Variants in UNC80 observed in about 807,000 individuals in gnomAD.
The protein encoded by UNC80 is unc-80 subunit of NALCN channel complex.
UNC80 carries 164 observed loss-of-function variants against 384.6 expected under a neutral mutation model. The ratio of observed to expected loss-of-function variants is 0.43; its 90% CI spans 0.38 to 0.49. The LOEUF is 0.49. Among genes scored for constraint, UNC80 ranks in the 20% least tolerant of loss-of-function variants. The probability of loss-of-function intolerance (pLI) is 0.00; values close to 1 mark genes in which losing one functional copy is unlikely to be tolerated. For missense variants in UNC80, 3,330 were observed against 4,143.0 expected (o/e 0.80, Z 5.39); for synonymous variants, 1,486 against 1,527.8 (o/e 0.97, Z 0.64).
chr2:209,889,656 G>A (rs529073312), intron 26 of UNC80, among the ~76,000 whole-genome samples: 7 of 152,168 alleles, frequency 4.6e-5, no homozygotes, highest in South Asian at 4.2e-4. Flanking sequence ...CGCCACCCAC[G>A]GACAGGCCCC....
intron 60 of UNC80, among the ~76,000 whole-genome samples, chr2:209,983,182 C>G (rs903201626): frequency 1.3e-5 from 2 of 152,114 alleles, no homozygotes; most frequent in Non-Finnish European, 2.9e-5. Context: ...AGGGCATATT[C>G]TGATGTTCAC....
chr2:209,961,658 T>C (rs1310101071), intron 51 of UNC80, among the ~76,000 whole-genome samples: 2 of 152,020 alleles, frequency 1.3e-5, no homozygotes, highest in Non-Finnish European at 2.9e-5. Context: ...AAGCAAAGAA[T>C]GAAAAAAAGA....
rs912341881 is a variant in UNC80 at position 209,793,775 on chromosome 2, C to T, written c.854C>T (p.Thr285Ile). 6.2e-7 allele frequency: 1 copy of T among 1,614,138 alleles called. No homozygotes were observed. The highest frequency in any genetic ancestry group is 1.3e-5 in the African/African-American group (1 of 75,050). ...FQSDSISPKA[T>I]ISGCHRGNSF... is the part of the protein sequence containing the mutation. ...TCTGATTCCATCTCACCCAAGGCCA[C>T]CATTTCAGGCTGTCACCGAGGAAAC... Residue 285 changes from threonine (T) to isoleucine (I), a missense_variant, in exon 7 of 65, where the codon ACC becomes ATC. Physicochemically the swap from Thr to Ile is moderately conservative, Grantham distance 89. Coordinates refer to ENST00000673920, the MANE Select transcript of UNC80 (RefSeq NM_001371986.1).
intron 25 of UNC80, among the ~76,000 whole-genome samples, 180 bp from the exon 26 acceptor site, chr2:209,887,915 T>C (rs1301128971): frequency 1.3e-5 from 2 of 152,340 alleles, no homozygotes; most frequent in Non-Finnish European, 2.9e-5. Context: ...GGAAAGATTT[T>C]ATTTATTTTT....
chr2:209,922,627 A>G (rs934019442), intron 35 of UNC80, among the ~76,000 whole-genome samples: 5 of 152,206 alleles, frequency 3.3e-5, no homozygotes, highest in Non-Finnish European at 7.3e-5. Context: ...CTGAGGGTTC[A>G]GAATACATCA....
At chr2:209,943,572 T>C (rs574680072) in intron 45 of UNC80, 58 bp downstream of exon 45, 4 of 1,540,890 alleles carry the variant, frequency 2.6e-6, no homozygotes, top group Non-Finnish European at 3.5e-6. Context: ...AAAGCAAAGG[T>C]TATTTATTAG....
At chr2:209,809,018 T>A in intron 7 of UNC80, 1 of 350,398 alleles carries the variant, frequency 2.9e-6, no homozygotes, top group Non-Finnish European at 5.4e-6. Flanking sequence ...CAACTGAGAC[T>A]CCCCCAAGAG....
intron 22 of UNC80, among the ~76,000 whole-genome samples, chr2:209,866,531 CACAGAG>C (rs1482398465): frequency 1.5e-4 from 18 of 122,086 alleles, no homozygotes; most frequent in Middle Eastern, 4.3e-3. Context: ...CACACACACA[CACAGAG>C]AGAGAGAGAG....
intron 26 of UNC80, among the ~76,000 whole-genome samples, chr2:209,891,377 C>G (rs1407095158): frequency 6.6e-6 from 1 of 152,028 alleles, no homozygotes; most frequent in Non-Finnish European, 1.5e-5. Flanking sequence ...GACAATTATA[C>G]TGCATATGAT....
chr2:209,866,531 CACAG>C (rs1202013319), intron 22 of UNC80, among the ~76,000 whole-genome samples: 5,797 of 121,174 alleles, frequency 0.048, 139 homozygotes, highest in Non-Finnish European at 0.066. Context: ...CACACACACA[CACAG>C]AGAGAGAGAG....
intron 18 of UNC80, among the ~76,000 whole-genome samples, chr2:209,837,274 A>G (rs1386774877): frequency 1.3e-5 from 2 of 152,206 alleles, no homozygotes; most frequent in African/African-American, 4.8e-5. Context: ...AACCCCATAA[A>G]TAAGTTTCAT....
rs1574692285 is a variant in UNC80 at position 209,842,561 on chromosome 2, C to T, written c.3454+115C>T. 5.2e-6 allele frequency: 4 copies of T among 768,604 alleles called. No homozygotes were observed. In the East Asian group the frequency reaches 8.1e-5, roughly 15 times the overall value. 47.6% of individuals were successfully genotyped at this position (768,604 alleles called of 1,614,324 possible). Reference sequence around the variant, plus strand: ...ATTGGTTTTTCATTCATTTCTTTCTCATACATGCCTTTTACCACTGTCTAT... The same window carrying T: ...ATTGGTTTTTCATTCATTTCTTTCTTATACATGCCTTTTACCACTGTCTAT... On this transcript the variant is annotated intron_variant, in intron 21 of 64. Transcript: ENST00000673920.
intron 6 of UNC80, among the ~76,000 whole-genome samples, chr2:209,789,839 A>G (rs2077683795): frequency 6.6e-6 from 1 of 152,042 alleles, no homozygotes; most frequent in Non-Finnish European, 1.5e-5. Context: ...CTAGTATTTT[A>G]TCTCGGTGGT....
intron 30 of UNC80, among the ~76,000 whole-genome samples, chr2:209,913,353 T>C (rs1012821656): frequency 6.6e-6 from 1 of 152,214 alleles, no homozygotes; most frequent in Non-Finnish European, 1.5e-5. Context: ...CAATGTATTA[T>C]GTATTTCAAA....
intron 29 of UNC80, among the ~76,000 whole-genome samples, chr2:209,911,960 G>A (rs916136552): frequency 6.6e-6 from 1 of 152,168 alleles, no homozygotes; most frequent in Non-Finnish European, 1.5e-5. Context: ...AGAAGAGTAT[G>A]GTTTTTGAAA....
chr2:209,926,783 C>G, intron 35 of UNC80, 60 bp from the exon 36 acceptor site: 1 of 1,537,964 alleles, frequency 6.5e-7, no homozygotes. Flanking sequence ...CTCAAAACAA[C>G]AGTAGCAACA....
chr2:209,788,947 T>C (rs1321459879), intron 5 of UNC80, among the ~76,000 whole-genome samples: 1 of 152,208 alleles, frequency 6.6e-6, no homozygotes, highest in African/African-American at 2.4e-5. Context: ...TTGTTATCTT[T>C]TATACTGTAT....
chr2:209,797,601 C>G (rs554581985), intron 7 of UNC80, among the ~76,000 whole-genome samples: 54 of 152,134 alleles, frequency 3.5e-4, no homozygotes, highest in Non-Finnish European at 6.8e-4. Context: ...GGTTCCGTGT[C>G]TTTGCTATTG....
At chr2:209,915,404 CAAA>C (rs5838189) in intron 31 of UNC80, among the ~76,000 whole-genome samples, 2 of 76,946 alleles carry the variant, frequency 2.6e-5, no homozygotes, top group Non-Finnish European at 2.6e-5. Context: ...GACTCTGTCT[CAAA>C]AAAAAAAAAA....
Sources: gnomAD v4.1 joint callset for allele counts (sites outside exome capture counted in the v4.1 genomes callset) on GRCh38, gnomAD v4.1.1 for gene constraint, MANE v1.5 for transcripts, NCBI Gene and HGNC (gene_info 2026-07-23, HGNC 2026-07-21) for gene names.